SPATA45: variants seen among roughly 807,000 people sequenced by gnomAD.
The protein encoded by SPATA45 is spermatogenesis-associated protein 45.
Under a neutral mutation model 7.0 loss-of-function variants are expected in SPATA45, and 5 were observed. The ratio of observed to expected loss-of-function variants is 0.71; its 90% confidence interval spans 0.37 to 1.50. SPATA45 has a LOEUF of 1.50. SPATA45 is among the 40% of genes most tolerant of loss of function. The probability of loss-of-function intolerance (pLI) is 0.03; values close to 1 mark genes in which losing one functional copy is unlikely to be tolerated. For missense variants in SPATA45, 111 were observed against 114.9 expected (o/e 0.97, Z 0.16); for synonymous variants, 40 against 38.7 (o/e 1.03, Z -0.13).
chr1:212,834,607 C>T (rs1000312387), intron 2 of SPATA45, among the ~76,000 whole-genome samples: 4 of 151,618 alleles, frequency 2.6e-5, no homozygotes, highest in African/African-American at 7.2e-5. Flanking sequence ...CGTGCCACCA[C>T]GCCCAGCTAA....
rs943168707 is a variant in SPATA45, at chr1:212,832,283, C to T, written c.278-2022G>A. Among the ~76,000 whole-genome samples, 11 of 148,062 alleles carry T rather than the reference C, an allele frequency of 7.4e-5. 2 individuals carry two copies. The highest frequency in any genetic ancestry group is 1.6e-4 in the Non-Finnish European group (11 of 66,902). ...CCTCCCAAAATGCTGGGATTACAGG[C>T]GTGAGCCACTGTGCCCGGCTGAAAT... On this transcript the variant is annotated intron_variant, in intron 2 of 2. Coordinates refer to ENST00000332912, the MANE Select transcript of SPATA45 (RefSeq NM_001024601.3).
At chr1:212,842,557 C>T (rs949016308) in intron 1 of SPATA45, among the ~76,000 whole-genome samples, 1 of 152,168 alleles carries the variant, frequency 6.6e-6, no homozygotes. Flanking sequence ...TCTAGTGGTA[C>T]AAGCATATTT....
At position 212,834,258 on chromosome 1, in the gene SPATA45, G is replaced by A. The variant is rs150847718; in HGVS notation, c.277+1615C>T. Among the ~76,000 whole-genome samples the A allele has an allele frequency of 9.2e-5, 14 of 151,374 alleles. 1 individual carries two copies. The East Asian group carries it at 2.7e-3, about 29-fold the overall frequency. On this transcript the variant is annotated intron_variant, in intron 2 of 2. Transcript: ENST00000332912. ...TTCTGATCTAAATTAATAATTTGTTGGTTGTATTAGATATGATTACACACC... is the reference window on the plus strand; with the variant it reads ...TTCTGATCTAAATTAATAATTTGTTAGTTGTATTAGATATGATTACACACC...
intron 2 of SPATA45, among the ~76,000 whole-genome samples, chr1:212,831,876 TG>T (rs1238653467): frequency 6.6e-6 from 1 of 151,134 alleles, no homozygotes; most frequent in African/African-American, 2.4e-5. Context: ...TCATCCCTCA[TG>T]CCCTGGATAG....
At chr1:212,832,850 C>T (rs1013780035) in intron 2 of SPATA45, among the ~76,000 whole-genome samples, 5 of 151,606 alleles carry the variant, frequency 3.3e-5, no homozygotes, top group African/African-American at 1.2e-4. Context: ...ACCACTACTT[C>T]TGGGAAAGTA....
At chr1:212,840,057 T>G (rs909215418) in intron 1 of SPATA45, among the ~76,000 whole-genome samples, 3 of 151,868 alleles carry the variant, frequency 2.0e-5, no homozygotes, top group South Asian at 2.1e-4. Context: ...GTAATAAAAA[T>G]GTAAGATTTG....
intron 2 of SPATA45, among the ~76,000 whole-genome samples, chr1:212,833,423 C>T (rs1231206462): frequency 6.6e-6 from 1 of 150,404 alleles, no homozygotes; most frequent in Non-Finnish European, 1.5e-5. Context: ...CTTTGGGAGG[C>T]CGAGATGGGT....
At chr1:212,844,790 A>G (rs111371878) in intron 1 of SPATA45, among the ~76,000 whole-genome samples, 3,491 of 152,296 alleles carry the variant, frequency 0.023, 63 homozygotes, top group South Asian at 0.041. Flanking sequence ...CTACGCAAGT[A>G]TCCTCTATCA....
At position 212,839,846 on chromosome 1, in the gene SPATA45, T is replaced by A. The variant is rs1256122870; in HGVS notation, c.-38-3659A>T. Among the ~76,000 whole-genome samples the A allele has an allele frequency of 2.0e-5, 3 of 151,664 alleles. 1 individual carries two copies. Among genetic ancestry groups the A allele is most frequent in the East Asian group, 1.9e-4 (1 of 5,184 alleles). ...AACTGTACATTTTAAACATGGACAG[T>A]TCATTGTATGTCAATGACCAGTCAA... On this transcript the variant is annotated intron_variant, in intron 1 of 2. Transcript: ENST00000332912.
intron 2 of SPATA45, among the ~76,000 whole-genome samples, chr1:212,831,630 G>A (rs1191137082): frequency 6.6e-6 from 1 of 151,354 alleles, no homozygotes; most frequent in Middle Eastern, 3.2e-3. Flanking sequence ...AAGAGGGCCT[G>A]GAAATCTCGG....
chr1:212,843,538 C>A (rs1414256877), intron 1 of SPATA45, among the ~76,000 whole-genome samples: 1 of 152,134 alleles, frequency 6.6e-6, no homozygotes, highest in African/African-American at 2.4e-5. Context: ...CTAGAATTGG[C>A]TACATAATTT....
At chr1:212,833,708 G>A (rs1315026079) in intron 2 of SPATA45, among the ~76,000 whole-genome samples, 1 of 151,590 alleles carries the variant, frequency 6.6e-6, no homozygotes, top group African/African-American at 2.4e-5. Flanking sequence ...TTGACTTAAG[G>A]AAATGTTGTG....
chr1:212,841,213 C>T (rs1663677656), intron 1 of SPATA45, among the ~76,000 whole-genome samples: 1 of 151,956 alleles, frequency 6.6e-6, no homozygotes. Flanking sequence ...GGCTGGAATC[C>T]AGGGGCATGA....
chr1:212,847,502 C>T (rs1361511377), intron 1 of SPATA45, 78 bp downstream of exon 1: 1 of 152,096 alleles, frequency 6.6e-6, no homozygotes, highest in East Asian at 1.9e-4. Flanking sequence ...CTTTATAGAA[C>T]ATAACTATCA....
At position 212,839,057 on chromosome 1, in the gene SPATA45, T is replaced by C. The variant is rs574785221; in HGVS notation, c.-38-2870A>G. Among the ~76,000 whole-genome samples the C allele has an allele frequency of 7.3e-3, 1,105 of 150,386 alleles. 23 individuals are homozygous for C. The highest frequency in any genetic ancestry group is 0.017 in the Middle Eastern group (5 of 288). On this transcript the variant is annotated intron_variant, in intron 1 of 2. Coordinates refer to ENST00000332912, the MANE Select transcript of SPATA45 (RefSeq NM_001024601.3). ...AAAGTTCTAACAACCCAAATGTCCA[T>C]CAGAAGCAGAACAAATAAATTGTGG...
chr1:212,845,307 CT>C, intron 1 of SPATA45, among the ~76,000 whole-genome samples: 1 of 152,180 alleles, frequency 6.6e-6, no homozygotes, highest in East Asian at 1.9e-4. Flanking sequence ...GGATTTGCCC[CT>C]GCCCAGGACT....
rs546898184 is a variant in SPATA45, at chr1:212,836,798, A to C, written c.-38-611T>G. ...TGAGTAGCTGGGATTACAGGCATGCACCACCATGCCCAGCTAATTTTTTTT... is the reference window on the plus strand; with the variant it reads ...TGAGTAGCTGGGATTACAGGCATGCCCCACCATGCCCAGCTAATTTTTTTT... On this transcript the variant is annotated intron_variant, in intron 1 of 2. Coordinates refer to ENST00000332912, the MANE Select transcript of SPATA45 (RefSeq NM_001024601.3). Among the ~76,000 whole-genome samples the C allele has an allele frequency of 3.8e-3, 559 of 148,068 alleles. 17 individuals carry two copies. Among genetic ancestry groups the C allele is most frequent in the South Asian group, 6.1e-3 (28 of 4,604 alleles).
chr1:212,836,976 T>G (rs1663597844), intron 1 of SPATA45, among the ~76,000 whole-genome samples: 1 of 151,434 alleles, frequency 6.6e-6, no homozygotes, highest in Non-Finnish European at 1.5e-5. Flanking sequence ...TTTTTATTAT[T>G]GTTTCTTAAG....
chr1:212,841,773 T>C (rs1355752306), intron 1 of SPATA45, among the ~76,000 whole-genome samples: 1 of 151,966 alleles, frequency 6.6e-6, no homozygotes, highest in African/African-American at 2.4e-5. Context: ...GTTTGTTAGT[T>C]TTGAAATGGA....
Sources: allele counts gnomAD v4.1 joint callset (sites outside exome capture counted in the v4.1 genomes callset), GRCh38; gene constraint gnomAD v4.1.1; transcripts MANE v1.5; gene names NCBI Gene and HGNC (gene_info 2026-07-23, HGNC 2026-07-21).